SLC6A16: variants seen among roughly 807,000 people sequenced by gnomAD.
The protein encoded by SLC6A16 is orphan sodium- and chloride-dependent neurotransmitter transporter NTT5.
In SLC6A16, 54 loss-of-function variants were observed where a neutral mutation model predicts 65.4. That is an observed-to-expected ratio of 0.83 (90% CI 0.66 to 1.04). The LOEUF is 1.04. SLC6A16 is among the 50% of genes least tolerant of loss of function. The pLI, the probability that SLC6A16 is intolerant of heterozygous loss-of-function variation, is 0.00. For synonymous variants in SLC6A16, 330 were observed against 346.5 expected (o/e 0.95, Z 0.53); for missense variants, 816 against 914.0 (o/e 0.89, Z 1.38).
intron 1 of SLC6A16, among the ~76,000 whole-genome samples, chr19:49,319,384 C>T (rs953958372): frequency 1.3e-5 from 2 of 151,522 alleles, no homozygotes; most frequent in African/African-American, 4.9e-5. Context: ...CTTTACTCCT[C>T]CCTAATTCCT....
At chr19:49,327,918 G>A (rs2146192535), upstream of SLC6A16, among the ~76,000 whole-genome samples, 1 of 152,364 alleles carries the variant, frequency 6.6e-6, no homozygotes, top group East Asian at 1.9e-4. Flanking sequence ...ATTGAGGAAA[G>A]GGTAGCAACA....
chr19:49,299,056 T>C (rs1970234881), intron 7 of SLC6A16, among the ~76,000 whole-genome samples: 1 of 151,546 alleles, frequency 6.6e-6, no homozygotes, highest in South Asian at 2.1e-4. Context: ...CCATCCTGGC[T>C]AACACGGTGA....
At chr19:49,314,538 C>T (rs1217263300) in intron 1 of SLC6A16, among the ~76,000 whole-genome samples, 1 of 151,996 alleles carries the variant, frequency 6.6e-6, no homozygotes, top group Non-Finnish European at 1.5e-5. Context: ...TCAATGGTTG[C>T]TAAAACAAGA....
At chr19:49,299,655 T>C (rs1442744336) in intron 7 of SLC6A16, among the ~76,000 whole-genome samples, 1 of 134,280 alleles carries the variant, frequency 7.4e-6, no homozygotes, top group Non-Finnish European at 1.6e-5. Context: ...CCAGATACAA[T>C]AGATTTCAAA....
At chr19:49,340,189 G>GCATCACCCCCGTCTCGC in the SLC6A16 span, 1 of 1,525,790 alleles carries the variant, frequency 6.6e-7, no homozygotes, top group African/African-American at 1.4e-5. Flanking sequence ...GCCCGGGTGG[G>GCATCACCCCCGTCTCGC]CATCACCCCC....
the SLC6A16 span, chr19:49,331,576 C>T: frequency 5.7e-6 from 2 of 353,242 alleles, no homozygotes; most frequent in Admixed American, 3.7e-5. Context: ...AACAAACAAC[C>T]GTAAAATCTT....
intron 2 of SLC6A16, among the ~76,000 whole-genome samples, 177 bp downstream of exon 2, chr19:49,310,756 G>A (rs1307887462): frequency 6.6e-6 from 1 of 152,208 alleles, no homozygotes; most frequent in Admixed American, 6.5e-5. Flanking sequence ...CCATCCCCAT[G>A]TTCAGATACC....
chr19:49,294,909 C>T (rs149620033), intron 7 of SLC6A16, among the ~76,000 whole-genome samples: 16 of 152,122 alleles, frequency 1.1e-4, no homozygotes, highest in African/African-American at 3.4e-4. Context: ...ACAGCATGTC[C>T]GGGAGCACAC....
At chr19:49,293,032 T>G in intron 10 of SLC6A16, 191 bp downstream of exon 10, 1 of 540,398 alleles carries the variant, frequency 1.9e-6, no homozygotes, top group Non-Finnish European at 3.3e-6. Flanking sequence ...ATGACTAAAA[T>G]AGTGCCTGGC....
intron 2 of SLC6A16, 120 bp from the exon 3 acceptor site, chr19:49,310,630 G>T: frequency 9.3e-7 from 1 of 1,070,528 alleles, no homozygotes; most frequent in Non-Finnish European, 1.4e-6. Context: ...AGGCATCAGG[G>T]CTCACCCATG....
the SLC6A16 span, chr19:49,337,157 T>G: frequency 6.2e-7 from 1 of 1,614,150 alleles, no homozygotes; most frequent in Non-Finnish European, 8.5e-7. Context: ...TATTTTGGGA[T>G]GCTGCTGCTC....
At chr19:49,309,244 A>C in intron 6 of SLC6A16, 57 bp downstream of exon 6, 1 of 1,569,498 alleles carries the variant, frequency 6.4e-7, no homozygotes, top group South Asian at 1.1e-5. Context: ...AGCTCTAAGA[A>C]TAGGCAGCTG....
At chr19:49,337,969 G>C in the SLC6A16 span, 8 of 1,614,088 alleles carry the variant, frequency 5.0e-6, no homozygotes, top group South Asian at 6.6e-5. Context: ...CCATCCAAAA[G>C]TACGGCACCA....
At chr19:49,336,174 T>G in the SLC6A16 span, 1 of 229,256 alleles carries the variant, frequency 4.4e-6, no homozygotes, top group Non-Finnish European at 8.7e-6. Context: ...TAAATAATAA[T>G]GAAATATAAC....
At chr19:49,295,817 T>C (rs964713286) in intron 7 of SLC6A16, among the ~76,000 whole-genome samples, 1 of 152,124 alleles carries the variant, frequency 6.6e-6, no homozygotes, top group Non-Finnish European at 1.5e-5. Context: ...AGGATCAGAA[T>C]AGAAGTTCCC....
intron 1 of SLC6A16, among the ~76,000 whole-genome samples, chr19:49,320,390 A>G (rs1349295462): frequency 6.6e-6 from 1 of 151,436 alleles, no homozygotes; most frequent in Non-Finnish European, 1.5e-5. Context: ...CCTGGGCAAC[A>G]GAGCAAGACT....
chr19:49,294,240 A>G (rs1180953559), intron 8 of SLC6A16, 127 bp downstream of exon 8: 2 of 990,594 alleles, frequency 2.0e-6, no homozygotes, highest in Non-Finnish European at 3.0e-6. Context: ...AGTACTTTGT[A>G]TTACTGAGAG....
chr19:49,336,692 T>G, the SLC6A16 span: 4 of 527,758 alleles, frequency 7.6e-6, no homozygotes, highest in South Asian at 2.4e-5. Flanking sequence ...AAGGAGAGGG[T>G]AAGAGGAAGA....
intron 1 of SLC6A16, among the ~76,000 whole-genome samples, chr19:49,324,844 G>GTTTC (rs949976906): frequency 6.6e-6 from 1 of 152,214 alleles, no homozygotes; most frequent in Non-Finnish European, 1.5e-5. Flanking sequence ...GCCGAAGACA[G>GTTTC]TTTCCTCTGT....
Sources: gnomAD v4.1 joint callset for allele counts (sites outside exome capture counted in the v4.1 genomes callset) on GRCh38, gnomAD v4.1.1 for gene constraint, MANE v1.5 for transcripts, NCBI Gene and HGNC (gene_info 2026-07-23, HGNC 2026-07-21) for gene names.